SLC25A48: variants seen among roughly 807,000 people sequenced by gnomAD.
SLC25A48 encodes CTC-321K16.1.
A neutral mutation model predicts 32.2 loss-of-function variants in SLC25A48; 29 were observed. The ratio of observed to expected loss-of-function variants is 0.90; its 90% CI spans 0.67 to 1.23. SLC25A48 has a LOEUF of 1.23. Among genes scored for constraint, SLC25A48 ranks in the 50% most tolerant of loss-of-function variants. The pLI is 0.00. For missense variants in SLC25A48, 399 were observed against 422.7 expected, an observed-to-expected ratio of 0.94 and a Z score of 0.49; for synonymous variants, 164 against 172.3, an observed-to-expected ratio of 0.95 and a Z score of 0.38.
intron 1 of SLC25A48, among the ~76,000 whole-genome samples, chr5:135,841,405 G>C (rs1388212631): frequency 6.6e-6 from 1 of 152,098 alleles, no homozygotes; most frequent in African/African-American, 2.4e-5. Flanking sequence ...ATTATTTCTT[G>C]TGTTGTGTAG....
chr5:135,801,716 T>G (rs1159417138), intron 3 of SLC25A48, among the ~76,000 whole-genome samples: 1 of 151,640 alleles, frequency 6.6e-6, no homozygotes, highest in Non-Finnish European at 1.5e-5. Flanking sequence ...GGAGAGGGGA[T>G]GATATTACAT....
Position 135,877,084 on chromosome 5 carries a change from C to A in SLC25A48, c.814-2884C>A, listed in dbSNP as rs1159654272. On this transcript the variant is annotated intron_variant, in intron 6 of 7. Coordinates refer to ENST00000681962, the MANE Select transcript of SLC25A48 (RefSeq NM_001349336.2). ...GACCAATTTGAGTAGCTCTTTGTAA[C>A]CAACTTAGGAATGATCAGTGGTGCA... Among the ~76,000 whole-genome samples the A allele has an allele frequency of 5.3e-5, 8 of 152,152 alleles. No individual in the cohort carries two copies. The East Asian group carries it at 1.5e-3, about 29-fold the overall frequency.
chr5:135,799,290 T>C (rs1159225580), intron 3 of SLC25A48, among the ~76,000 whole-genome samples: 1 of 151,634 alleles, frequency 6.6e-6, no homozygotes, highest in Non-Finnish European at 1.5e-5. Context: ...TTACTACCAA[T>C]ATTGAAGGGC....
intron 3 of SLC25A48, among the ~76,000 whole-genome samples, chr5:135,745,369 G>A (rs933634578): frequency 5.9e-5 from 9 of 152,184 alleles, no homozygotes; most frequent in East Asian, 1.9e-4. Flanking sequence ...GGTGGGCCAC[G>A]TGTTCCTTGC....
At position 135,852,549 on chromosome 5, in the gene SLC25A48, G is replaced by A; in HGVS notation, c.163-14G>A. ...CGGGGTCCTCACGCCTCTTCCTTCT[G>A]GTTTTCACTGCAGATGTTCGGCTTC... On this transcript the variant is annotated splice_polypyrimidine_tract_variant and intron_variant, in intron 3 of 7. Coordinates refer to ENST00000681962, the MANE Select transcript of SLC25A48 (RefSeq NM_001349336.2). The A allele has an allele frequency of 1.3e-6, 2 of 1,585,532 alleles. No individual in the cohort carries two copies. Among genetic ancestry groups the A allele is most frequent in the Non-Finnish European group, 1.7e-6 (2 of 1,159,284 alleles).
At chr5:135,774,356 T>A (rs1010570749) in intron 3 of SLC25A48, among the ~76,000 whole-genome samples, 5 of 151,694 alleles carry the variant, frequency 3.3e-5, no homozygotes, top group African/African-American at 1.2e-4. Flanking sequence ...TCGGGTGGTG[T>A]ACACTCCTTC....
At chr5:135,746,963 C>G (rs1332964258) in intron 3 of SLC25A48, among the ~76,000 whole-genome samples, 2 of 150,824 alleles carry the variant, frequency 1.3e-5, no homozygotes, top group African/African-American at 2.4e-5. Context: ...TCACTCTTGC[C>G]CCGTCATTAG....
At chr5:135,763,855 T>A (rs1466371167) in intron 3 of SLC25A48, among the ~76,000 whole-genome samples, 2 of 151,746 alleles carry the variant, frequency 1.3e-5, no homozygotes, top group East Asian at 3.9e-4. Flanking sequence ...CCGTCTCAAT[T>A]TGTGTCACTC....
At chr5:135,877,386 G>C (rs1581057405) in intron 6 of SLC25A48, among the ~76,000 whole-genome samples, 1 of 152,126 alleles carries the variant, frequency 6.6e-6, no homozygotes, top group Non-Finnish European at 1.5e-5. Flanking sequence ...TTTGTAGGTA[G>C]ACAGCTTCTG....
chr5:135,833,851 G>A (rs1380479682), upstream of SLC25A48, among the ~76,000 whole-genome samples: 3 of 152,152 alleles, frequency 2.0e-5, no homozygotes, highest in South Asian at 2.1e-4. Flanking sequence ...GCTGGCTGTC[G>A]CTTCATATTA....
At chr5:135,773,999 A>G (rs1580863961) in intron 3 of SLC25A48, among the ~76,000 whole-genome samples, 1 of 151,738 alleles carries the variant, frequency 6.6e-6, no homozygotes, top group Non-Finnish European at 1.5e-5. Flanking sequence ...GGGAAAGAGG[A>G]TGATATTACT....
At chr5:135,616,822 G>C (rs1466656806) in intron 1 of SLC25A48, among the ~76,000 whole-genome samples, 3 of 152,138 alleles carry the variant, frequency 2.0e-5, no homozygotes, top group Non-Finnish European at 4.4e-5. Flanking sequence ...TAATACAATA[G>C]TATATTACTT....
chr5:135,641,465 C>T (rs1224432703), intron 3 of SLC25A48, among the ~76,000 whole-genome samples: 1 of 150,884 alleles, frequency 6.6e-6, no homozygotes, highest in Non-Finnish European at 1.5e-5. Context: ...AGTGTAGACT[C>T]AGTATAAATC....
At chr5:135,792,028 G>T (rs1259230130) in intron 3 of SLC25A48, among the ~76,000 whole-genome samples, 1 of 151,604 alleles carries the variant, frequency 6.6e-6, no homozygotes, top group African/African-American at 2.4e-5. Flanking sequence ...ATCACTGTGG[G>T]TGTTCACCTC....
chr5:135,613,057 C>A (rs914642913), intron 1 of SLC25A48, among the ~76,000 whole-genome samples: 1 of 152,048 alleles, frequency 6.6e-6, no homozygotes, highest in South Asian at 2.1e-4. Flanking sequence ...GTATGAGTAC[C>A]GTTTTTTCCA....
chr5:135,820,828 C>A (rs1031828205), intron 4 of SLC25A48, among the ~76,000 whole-genome samples: 1 of 152,092 alleles, frequency 6.6e-6, no homozygotes, highest in East Asian at 1.9e-4. Flanking sequence ...TAAGTCTATA[C>A]AAAAGAAAAT....
intron 3 of SLC25A48, among the ~76,000 whole-genome samples, chr5:135,762,926 G>A (rs1756098784): frequency 6.6e-6 from 1 of 152,044 alleles, no homozygotes; most frequent in African/African-American, 2.4e-5. Context: ...GGCTGAGTAT[G>A]GGTGTGAGTA....
chr5:135,631,978 C>T (rs1255679447), intron 2 of SLC25A48, among the ~76,000 whole-genome samples: 1 of 152,210 alleles, frequency 6.6e-6, no homozygotes, highest in Non-Finnish European at 1.5e-5. Context: ...TGTCAGCCCA[C>T]AAGTGCCTCC....
intron 1 of SLC25A48, among the ~76,000 whole-genome samples, chr5:135,618,863 T>C (rs1752251480): frequency 6.6e-6 from 1 of 152,074 alleles, no homozygotes. Context: ...AATCTTCTGT[T>C]AGTCTGATAG....
Sources: allele counts gnomAD v4.1 joint callset (sites outside exome capture counted in the v4.1 genomes callset), GRCh38; gene constraint gnomAD v4.1.1; transcripts MANE v1.5; gene names NCBI Gene and HGNC (gene_info 2026-07-23, HGNC 2026-07-21).